The following ATP6V0A1 variants were observed in gnomAD, a reference collection of about 807,000 sequenced individuals.
ATP6V0A1 encodes V-type proton ATPase 116 kDa subunit a 1.
Under a neutral mutation model 105.4 loss-of-function variants are expected in ATP6V0A1, and 43 were observed. The observed-to-expected ratio is 0.41, with a 90% CI of 0.32 to 0.53. The LOEUF is 0.53. Among genes scored for constraint, ATP6V0A1 ranks in the 20% least tolerant of loss-of-function variants. ATP6V0A1 has a pLI of 0.30. For synonymous variants in ATP6V0A1, 362 were observed against 372.8 expected (o/e 0.97, Z 0.33); for missense variants, 676 against 1,051.1 (o/e 0.64, Z 4.93).
chr17:42,493,213 A>G (rs1428203917), intron 11 of ATP6V0A1, among the ~76,000 whole-genome samples: 1 of 152,110 alleles, frequency 6.6e-6, no homozygotes, highest in Non-Finnish European at 1.5e-5. Flanking sequence ...AGTATTGGCC[A>G]CTTTAGGTAC....
chr17:42,491,952 G>A (rs2145989373), intron 11 of ATP6V0A1, among the ~76,000 whole-genome samples: 1 of 152,364 alleles, frequency 6.6e-6, no homozygotes, highest in Non-Finnish European at 1.5e-5. Context: ...TAGAGGCCGA[G>A]GTAGGAGGAT....
At chr17:42,467,072 G>A (rs776138915) in intron 3 of ATP6V0A1, among the ~76,000 whole-genome samples, 3 of 152,130 alleles carry the variant, frequency 2.0e-5, no homozygotes, top group African/African-American at 4.8e-5. Context: ...GCATGGACCC[G>A]GGAGGCAGAG....
Position 42,458,946 on chromosome 17 carries a change from C to T in ATP6V0A1, c.-65C>T, listed in dbSNP as rs2086057302. 1 of 153,360 alleles carries T rather than the reference C, an allele frequency of 6.5e-6. No individual in the cohort carries two copies. The allele number at this position is 153,360 out of a possible 1,614,324, so 9.5% of individuals were successfully genotyped here. On this transcript the variant is annotated 5_prime_UTR_variant, in exon 1 of 22. Transcript: ENST00000343619. ...GCTGCGGTGGTTTCTGTGGCGGTTG[C>T]TGTGGCGGAGTTTGGAGGTGAGTGG...
intron 18 of ATP6V0A1, among the ~76,000 whole-genome samples, 193 bp downstream of exon 18, chr17:42,507,820 C>T (rs1317852829): frequency 6.6e-6 from 1 of 152,168 alleles, no homozygotes; most frequent in Non-Finnish European, 1.5e-5. Flanking sequence ...GCTGTTGCCC[C>T]CAGAGCCCGC....
At chr17:42,484,812 G>A (rs534737903) in intron 9 of ATP6V0A1, among the ~76,000 whole-genome samples, 209 of 151,950 alleles carry the variant, frequency 1.4e-3, no homozygotes, top group Non-Finnish European at 2.5e-3. Flanking sequence ...GGAATTGTCA[G>A]GGGTATGTTG....
At chr17:42,486,512 A>G (rs1487215826) in intron 9 of ATP6V0A1, among the ~76,000 whole-genome samples, 1 of 152,204 alleles carries the variant, frequency 6.6e-6, no homozygotes, top group Non-Finnish European at 1.5e-5. Context: ...CTCTGAGGGA[A>G]ATCTGTACTG....
rs141994059 is a variant in ATP6V0A1 at position 42,504,065 on chromosome 17, C to T, written c.2004+2761C>T. On this transcript the variant is annotated intron_variant, in intron 17 of 21. Coordinates refer to ENST00000343619, the MANE Select transcript of ATP6V0A1 (RefSeq NM_001130021.3). ...GATAAATTCTAAGTTAAAAGTTCCC[C>T]GTTTGGAAACCTGCACATTCATAGG... 1.2e-3 allele frequency among the ~76,000 whole-genome samples: 180 copies of T among 152,252 alleles called. 1 individual carries two copies. Among genetic ancestry groups the T allele is most frequent in the African/African-American group, 4.2e-3 (175 of 41,542 alleles).
intron 14 of ATP6V0A1, among the ~76,000 whole-genome samples, chr17:42,497,881 G>A (rs1255264094): frequency 6.8e-6 from 1 of 146,682 alleles, no homozygotes; most frequent in African/African-American, 2.6e-5. Context: ...GCAATAGGCC[G>A]AGATTTCACC....
intron 5 of ATP6V0A1, among the ~76,000 whole-genome samples, chr17:42,471,653 G>C (rs1252856419): frequency 6.6e-6 from 1 of 152,024 alleles, no homozygotes; most frequent in Non-Finnish European, 1.5e-5. Context: ...GGGATTGCTT[G>C]AGCCCAGGAG....
At chr17:42,510,815 G>C (rs1022722295) in intron 19 of ATP6V0A1, 8 of 152,194 alleles carry the variant, frequency 5.3e-5, no homozygotes, top group Non-Finnish European at 1.2e-4. Context: ...GCATAGACTC[G>C]ACATCATCTG....
At chr17:42,479,921 A>G (rs965219880) in intron 7 of ATP6V0A1, among the ~76,000 whole-genome samples, 1 of 152,258 alleles carries the variant, frequency 6.6e-6, no homozygotes, top group Non-Finnish European at 1.5e-5. Flanking sequence ...GGCTGCACAA[A>G]GAATGGGTTC....
At chr17:42,505,863 C>T (rs1196135763) in intron 17 of ATP6V0A1, among the ~76,000 whole-genome samples, 1 of 151,444 alleles carries the variant, frequency 6.6e-6, no homozygotes, top group African/African-American at 2.4e-5. Flanking sequence ...TCTCAGCTCA[C>T]TGCAACCATC....
intron 2 of ATP6V0A1, among the ~76,000 whole-genome samples, chr17:42,463,526 G>A (rs952047952): frequency 3.9e-5 from 6 of 152,104 alleles, no homozygotes; most frequent in East Asian, 1.9e-4. Context: ...AAAAATTGCC[G>A]AACGGTAAGT....
At position 42,475,308 on chromosome 17, in the gene ATP6V0A1, A is replaced by G. The variant is rs908647875; in HGVS notation, c.424-2352A>G. Among the ~76,000 whole-genome samples the G allele has an allele frequency of 3.3e-5, 5 of 152,330 alleles. 1 individual carries two copies. The highest frequency in any genetic ancestry group is 4.4e-5 in the Non-Finnish European group (3 of 68,036). On this transcript the variant is annotated intron_variant, in intron 5 of 21. Transcript: ENST00000343619. The stretch of plus-strand genomic sequence containing the variant: ...GTAGAAACAGAACTGAAGTTCTTCT[A>G]CTTCCTTTTTGTAAGGCGTGGTTTT...
intron 9 of ATP6V0A1, among the ~76,000 whole-genome samples, chr17:42,483,565 GC>G (rs896020201): frequency 1.3e-5 from 2 of 151,824 alleles, no homozygotes; most frequent in African/African-American, 4.8e-5. Context: ...GTGCCACCAT[GC>G]CCGACTAATT....
intron 2 of ATP6V0A1, among the ~76,000 whole-genome samples, chr17:42,465,103 GT>G (rs2086881906): frequency 6.6e-6 from 1 of 150,772 alleles, no homozygotes; most frequent in Non-Finnish European, 1.5e-5. Context: ...ATTGATTCTT[GT>G]GCCTCAGCCT....
chr17:42,471,741 A>C (rs753665542), intron 5 of ATP6V0A1, among the ~76,000 whole-genome samples: 4 of 152,092 alleles, frequency 2.6e-5, no homozygotes, highest in Non-Finnish European at 5.9e-5. Context: ...CAAAAAAAAA[A>C]TGTAGGTGAC....
chr17:42,467,151 A>G (rs2087192267), intron 3 of ATP6V0A1, among the ~76,000 whole-genome samples: 1 of 152,202 alleles, frequency 6.6e-6, no homozygotes, highest in South Asian at 2.1e-4. Context: ...CGTCTCAAAA[A>G]AAAAAAAAGG....
At chr17:42,473,192 C>T (rs2088228255) in intron 5 of ATP6V0A1, among the ~76,000 whole-genome samples, 1 of 152,200 alleles carries the variant, frequency 6.6e-6, no homozygotes, top group Non-Finnish European at 1.5e-5. Context: ...CTTCTTTCGC[C>T]AGTCCCTAAT....
Sources: gnomAD v4.1 joint callset for allele counts (sites outside exome capture counted in the v4.1 genomes callset) on GRCh38, gnomAD v4.1.1 for gene constraint, MANE v1.5 for transcripts, NCBI Gene and HGNC (gene_info 2026-07-23, HGNC 2026-07-21) for gene names.